Variants in SLC25A48 observed in about 807,000 individuals in gnomAD.
SLC25A48 encodes solute carrier family 25 member 48, also known as CTC-321K16.1.
SLC25A48 carries 29 observed loss-of-function variants against 32.2 expected under a neutral mutation model. The ratio of observed to expected loss-of-function variants is 0.90; its 90% confidence interval spans 0.67 to 1.23. The LOEUF (loss-of-function observed/expected upper bound fraction) is 1.23, where lower values mean the gene tolerates loss of function less well. Among genes scored for constraint, SLC25A48 ranks in the 50% most tolerant of loss-of-function variants. The probability of loss-of-function intolerance (pLI) is 0.00; values close to 1 mark genes in which losing one functional copy is unlikely to be tolerated. For missense variants in SLC25A48, 399 were observed against 422.7 expected (o/e 0.94, Z 0.49); for synonymous variants, 164 against 172.3 (o/e 0.95, Z 0.38).
At chr5:135,723,380 T>TCA (rs138387748) in intron 3 of SLC25A48, among the ~76,000 whole-genome samples, 8,577 of 111,648 alleles carry the variant, frequency 0.077, 413 homozygotes, top group African/African-American at 0.18. Context: ...TCTCTCTCTC[T>TCA]CACACACACA....
At chr5:135,712,534 C>T (rs149115618) in intron 3 of SLC25A48, among the ~76,000 whole-genome samples, 1 of 152,236 alleles carries the variant, frequency 6.6e-6, no homozygotes. Context: ...CAGCAGGCTT[C>T]CCCTGAGACC....
chr5:135,782,327 T>A (rs1756734230), intron 3 of SLC25A48, among the ~76,000 whole-genome samples: 1 of 116,036 alleles, frequency 8.6e-6, no homozygotes, highest in African/African-American at 2.6e-5. Flanking sequence ...AATATTACTT[T>A]TAATATTGCA....
At chr5:135,826,959 T>A (rs1226074751) in intron 4 of SLC25A48, 2 of 152,374 alleles carry the variant, frequency 1.3e-5, no homozygotes, top group Non-Finnish European at 2.9e-5. Context: ...TGCCCTTGGG[T>A]AGAGCAGGTA....
intron 4 of SLC25A48, among the ~76,000 whole-genome samples, chr5:135,855,082 T>G (rs531549462): frequency 6.6e-6 from 1 of 152,312 alleles, no homozygotes; most frequent in East Asian, 1.9e-4. Context: ...ACACAGCTTG[T>G]TGTACCCCCA....
chr5:135,725,881 C>CG (rs1554069846), intron 3 of SLC25A48, among the ~76,000 whole-genome samples: 22 of 149,630 alleles, frequency 1.5e-4, no homozygotes, highest in Middle Eastern at 3.4e-3. Context: ...CTAGGGTTTT[C>CG]AAAAAAAAAA....
intron 3 of SLC25A48, among the ~76,000 whole-genome samples, chr5:135,728,413 A>C (rs1476148647): frequency 2.0e-5 from 3 of 152,218 alleles, no homozygotes; most frequent in Non-Finnish European, 4.4e-5. Flanking sequence ...TCTTTCACCC[A>C]ACAATATAAG....
At chr5:135,664,374 A>G (rs535351052) in intron 3 of SLC25A48, among the ~76,000 whole-genome samples, 1 of 152,348 alleles carries the variant, frequency 6.6e-6, no homozygotes, top group African/African-American at 2.4e-5. Context: ...ACATGTCTGC[A>G]TTCCAGTGGT....
Position 135,611,496 on chromosome 5 carries a change from C to CAAAAAAAAAAAAAAAAAAAAAAAAAAAA in SLC25A48, c.-848-17737_-848-17710dup, listed in dbSNP as rs57138043. ...TCGGTGACAGAGCGAGACTCCATCT[C>CAAAAAAAAAAAAAAAAAAAAAAAAAAAA]AAAAAAAAAAAAAAAAAAAAAAAAA... On this transcript the variant is annotated intron_variant, in intron 1 of 10. Coordinates refer to the SLC25A48 transcript ENST00000646290. Among the ~76,000 whole-genome samples, 10 of 21,344 alleles carry CAAAAAAAAAAAAAAAAAAAAAAAAAAAA rather than the reference C, an allele frequency of 4.7e-4. 1 individual carries two copies. The highest frequency in any genetic ancestry group is 4.9e-4 in the Non-Finnish European group (6 of 12,268). The allele number at this position is 21,344 out of a possible 152,430, so 14.0% of individuals were successfully genotyped here.
chr5:135,659,593 T>G (rs2126933338), intron 3 of SLC25A48, among the ~76,000 whole-genome samples: 1 of 152,320 alleles, frequency 6.6e-6, no homozygotes, highest in South Asian at 2.1e-4. Context: ...AATGCCCCCT[T>G]TCTGGTACCA....
At position 135,642,115 on chromosome 5, in the gene SLC25A48, A is replaced by G. The variant is rs187032880; in HGVS notation, c.-521+7159A>G. The stretch of plus-strand genomic sequence containing the variant: ...CTACTGGGAAGTTTGTTTAGCTTTC[A>G]TAAATCAAATTGGTTTGGACCTTCG... On this transcript the variant is annotated intron_variant, in intron 3 of 10. Coordinates refer to the SLC25A48 transcript ENST00000646290. Among the ~76,000 whole-genome samples, 454 of 152,382 alleles carry G rather than the reference A, an allele frequency of 3.0e-3. 1 individual carries two copies. Among genetic ancestry groups the G allele is most frequent in the Non-Finnish European group, 4.4e-3 (300 of 68,038 alleles).
intron 3 of SLC25A48, among the ~76,000 whole-genome samples, chr5:135,797,609 G>T (rs1757218874): frequency 1.3e-5 from 2 of 151,708 alleles, no homozygotes; most frequent in South Asian, 2.1e-4. Flanking sequence ...GGGAGAGAGG[G>T]TGATATGACT....
rs1410610023 is a variant in SLC25A48 at position 135,783,661 on chromosome 5, C to G, written c.-520-28862C>G. Among the ~76,000 whole-genome samples the G allele has an allele frequency of 1.8e-5, 2 of 111,256 alleles. 1 individual carries two copies. Among genetic ancestry groups the G allele is most frequent in the Non-Finnish European group, 4.5e-5 (2 of 44,728 alleles). The allele number at this position is 111,256 out of a possible 152,430, so 73.0% of individuals were successfully genotyped here. A position where few individuals can be genotyped will look rare whatever the true frequency, so the allele number is the denominator to read the frequency against. On this transcript the variant is annotated intron_variant, in intron 3 of 10. Coordinates refer to the SLC25A48 transcript ENST00000646290. ...CCAGTGATATTGTTCCTAATATCCACTAAAAAGAGAGGCAGATATTACTCC... is the reference window on the plus strand; with the variant it reads ...CCAGTGATATTGTTCCTAATATCCAGTAAAAAGAGAGGCAGATATTACTCC...
intron 3 of SLC25A48, among the ~76,000 whole-genome samples, chr5:135,770,793 G>A (rs564193715): frequency 1.3e-5 from 2 of 150,574 alleles, no homozygotes; most frequent in South Asian, 2.1e-4. Flanking sequence ...TCCCAATATC[G>A]CAAAGGGTGT....
intron 7 of SLC25A48, among the ~76,000 whole-genome samples, chr5:135,885,499 TTC>T (rs139883917): frequency 2.1e-4 from 32 of 151,880 alleles, no homozygotes; most frequent in Non-Finnish European, 2.4e-4. Context: ...GCTTCCTTGC[TTC>T]TCTCTCTCTC....
rs117384836 is a variant in SLC25A48, at chr5:135,783,292, G to A, written c.-520-29231G>A. Among the ~76,000 whole-genome samples the A allele has an allele frequency of 6.1e-3, 705 of 115,442 alleles. 146 individuals carry two copies. In the East Asian group the frequency reaches 0.13, roughly 22 times the overall value. The allele number at this position is 115,442 out of a possible 152,430, so 75.7% of individuals were successfully genotyped here. A position where few individuals can be genotyped will look rare whatever the true frequency, so the allele number is the denominator to read the frequency against. ...GTCCCTAATATCCAAGGAAGACAGA[G>A]GATCATACTACTCCCAATATTGCAG... On this transcript the variant is annotated intron_variant, in intron 3 of 10. Transcript: ENST00000646290.
chr5:135,847,593 A>G (rs1162692592), intron 2 of SLC25A48, among the ~76,000 whole-genome samples: 2 of 152,192 alleles, frequency 1.3e-5, no homozygotes, highest in Non-Finnish European at 2.9e-5. Flanking sequence ...AAATGTAATT[A>G]CAAGTGTCCT....
rs1762371295 is a variant in SLC25A48 at position 135,880,271 on chromosome 5, C to T, written c.*7+174C>T. 3 of 940,452 alleles carry T rather than the reference C, an allele frequency of 3.2e-6. No individual in the cohort carries two copies. The South Asian group carries it at 5.5e-5, about 17-fold the overall frequency. The allele number at this position is 940,452 out of a possible 1,614,324, so 58.3% of individuals were successfully genotyped here. A position where few individuals can be genotyped will look rare whatever the true frequency, so the allele number is the denominator to read the frequency against. ...GTCACCAAACAGCAGTTCAGAAATG[C>T]CCACCAGTGACTGGTGGTGTGCTGG... On this transcript the variant is annotated intron_variant, in intron 7 of 7. Coordinates refer to ENST00000681962, the MANE Select transcript of SLC25A48 (RefSeq NM_001349336.2).
At chr5:135,876,458 A>G (rs930034909) in intron 6 of SLC25A48, 2 of 152,054 alleles carry the variant, frequency 1.3e-5, no homozygotes, top group Non-Finnish European at 2.9e-5. Context: ...TTAAGTCAAG[A>G]TAATAATACT....
At chr5:135,755,946 C>T (rs144488823) in intron 3 of SLC25A48, among the ~76,000 whole-genome samples, 84 of 151,950 alleles carry the variant, frequency 5.5e-4, no homozygotes, top group East Asian at 9.6e-4. Flanking sequence ...GTAGTGTCAA[C>T]GCACTATACT....
Sources: gnomAD v4.1 joint callset for allele counts (sites outside exome capture counted in the v4.1 genomes callset) on GRCh38, gnomAD v4.1.1 for gene constraint, MANE v1.5 for transcripts, NCBI Gene and HGNC (gene_info 2026-07-23, HGNC 2026-07-21) for gene names.